The following ZNF503 variants were observed in gnomAD, a reference collection of about 807,000 sequenced individuals.
The protein encoded by ZNF503 is zinc finger protein 503.
In ZNF503, 15 loss-of-function variants were observed where a neutral mutation model predicts 34.4. The observed-to-expected ratio is 0.44, with a 90% confidence interval of 0.29 to 0.67. The LOEUF (loss-of-function observed/expected upper bound fraction) is 0.67. Among genes scored for constraint, ZNF503 ranks in the 30% least tolerant of loss-of-function variants. The pLI is 0.13. For synonymous variants in ZNF503, 580 were observed against 456.8 expected (o/e 1.27, Z -3.44); for missense variants, 1,007 against 926.8 (o/e 1.09, Z -1.12).
the ZNF503 span, among the ~76,000 whole-genome samples, chr10:75,357,306 C>T: frequency 1.3e-5 from 2 of 151,238 alleles, no homozygotes; most frequent in African/African-American, 4.9e-5. Context: ...CTGCTTGAGC[C>T]TAGGAGTTCA....
the ZNF503 span, among the ~76,000 whole-genome samples, chr10:75,313,116 G>A: frequency 5.8e-4 from 88 of 152,286 alleles, no homozygotes; most frequent in African/African-American, 2.0e-3. Flanking sequence ...CCTCGGGTAT[G>A]TCTTTATTCG....
chr10:75,346,281 T>C, the ZNF503 span, among the ~76,000 whole-genome samples: 8 of 152,316 alleles, frequency 5.3e-5, no homozygotes, highest in Middle Eastern at 3.4e-3. Context: ...CTGTGCAGTC[T>C]CACAGGGCCC....
At position 75,399,457 on chromosome 10, in the gene ZNF503, G is replaced by A. The variant is rs17850767; in HGVS notation, c.1233C>T (p.Ser411=). ...ACGGCGGAGACGCTCCGGCCAAAGG[G>A]CTGGAGCCGGCCGGCTTACTGCAGC... is the stretch of plus-strand genomic sequence containing the variant. ...SLGCSKPAGS[S]PLAGASPPSV... The change falls in exon 2 of 2, where the codon AGC becomes AGT. Residue 411 remains serine (S), a synonymous_variant. Coordinates refer to ENST00000372524, the MANE Select transcript of ZNF503 (RefSeq NM_032772.6). 555 of 1,587,192 alleles carry A rather than the reference G, an allele frequency of 3.5e-4. 5 individuals are homozygous for A. In the South Asian group the frequency reaches 3.9e-3, roughly 11 times the overall value.
the ZNF503 span, among the ~76,000 whole-genome samples, chr10:75,285,468 C>A: frequency 4.6e-5 from 7 of 152,234 alleles, no homozygotes. Flanking sequence ...CCCACTCAGC[C>A]TCCATGGATT....
chr10:75,327,915 C>CA, the ZNF503 span, among the ~76,000 whole-genome samples: 2 of 151,840 alleles, frequency 1.3e-5, no homozygotes, highest in African/African-American at 4.8e-5. Flanking sequence ...GATGTCTATT[C>CA]AGCTCATTTG....
chr10:75,401,280 G>T lies in ZNF503; in HGVS notation c.140C>A (p.Ser47Ter), dbSNP rs976564186. The T allele has an allele frequency of 1.3e-6, 2 of 1,584,104 alleles. No homozygotes were observed. The highest frequency in any genetic ancestry group is 1.7e-6 in the Non-Finnish European group (2 of 1,166,984). ...SGNSSGPGPGSSPAGSTKPFV... is the reference protein window; with the variant it reads ...SGNSSGPGPG ...AGGCTTGGTGCTGCCGGCCGGGGACGAGCCTGGGCCGGGGCCGGAGCTATT... is the reference window on the plus strand; with the variant it reads ...AGGCTTGGTGCTGCCGGCCGGGGACTAGCCTGGGCCGGGGCCGGAGCTATT... Residue 47 changes from serine (S) to a stop codon, truncating the protein, a stop_gained, in exon 1 of 2, where the codon TCG becomes TAG. Coordinates refer to ENST00000372524, the MANE Select transcript of ZNF503 (RefSeq NM_032772.6). LOFTEE classifies it high-confidence loss of function.
the ZNF503 span, among the ~76,000 whole-genome samples, chr10:75,319,038 C>T: frequency 1.3e-5 from 2 of 152,078 alleles, no homozygotes; most frequent in African/African-American, 4.8e-5. Context: ...CGGCTTACTG[C>T]AGCCTCGACC....
At chr10:75,388,495 G>C in the ZNF503 span, among the ~76,000 whole-genome samples, 350 of 152,314 alleles carry the variant, frequency 2.3e-3, 2 homozygotes, top group African/African-American at 7.9e-3. Context: ...TCAGTGTACG[G>C]AGAAATAAAG....
the ZNF503 span, among the ~76,000 whole-genome samples, chr10:75,329,414 CT>C: frequency 0.28 from 18,914 of 66,502 alleles, 1,419 homozygotes; most frequent in Non-Finnish European, 0.36. Context: ...TCCTTCCTTC[CT>C]TTCCTTCCTT....
chr10:75,324,628 A>G, the ZNF503 span, among the ~76,000 whole-genome samples: 1 of 152,224 alleles, frequency 6.6e-6, no homozygotes, highest in South Asian at 2.1e-4. Flanking sequence ...CATCCAGCCT[A>G]TGATCCATCT....
At chr10:75,393,517 T>C (rs990818712), downstream of ZNF503, among the ~76,000 whole-genome samples, 3 of 152,192 alleles carry the variant, frequency 2.0e-5, no homozygotes, top group African/African-American at 7.2e-5. Flanking sequence ...GATGGGTTTA[T>C]GGGGGTTCAT....
At chr10:75,390,226 G>C in the ZNF503 span, among the ~76,000 whole-genome samples, 1 of 152,074 alleles carries the variant, frequency 6.6e-6, no homozygotes. Context: ...GAGGCAGGTA[G>C]GTTTAATATG....
the ZNF503 span, among the ~76,000 whole-genome samples, chr10:75,380,883 A>G: frequency 6.6e-6 from 1 of 152,140 alleles, no homozygotes; most frequent in Non-Finnish European, 1.5e-5. Context: ...ACCCACTAAA[A>G]AGAACCCATC....
At chr10:75,381,802 A>ATTATTTTTTTTT in the ZNF503 span, among the ~76,000 whole-genome samples, 1 of 41,374 alleles carries the variant, frequency 2.4e-5, no homozygotes, top group Non-Finnish European at 5.4e-5. Context: ...ACAGAACCTA[A>ATTATTTTTTTTT]TTCTTTTTTT....
At chr10:75,381,863 T>C in the ZNF503 span, among the ~76,000 whole-genome samples, 1 of 134,220 alleles carries the variant, frequency 7.5e-6, no homozygotes, top group South Asian at 2.7e-4. Flanking sequence ...TGGCTCAGGC[T>C]GGGCACAATC....
chr10:75,307,190 G>A, the ZNF503 span, among the ~76,000 whole-genome samples: 3 of 152,168 alleles, frequency 2.0e-5, no homozygotes, highest in Non-Finnish European at 2.9e-5. Flanking sequence ...AGTTAGCCAC[G>A]CTGTAAATAC....
rs1444654461 is a variant in ZNF503, at chr10:75,400,909, C to G, written c.315+196G>C. The G allele has an allele frequency of 3.8e-6, 3 of 799,044 alleles. No individual in the cohort carries two copies. In the East Asian group the frequency reaches 8.0e-5, roughly 21 times the overall value. The allele number at this position is 799,044 out of a possible 1,614,324, so 49.5% of individuals were successfully genotyped here. A position where few individuals can be genotyped will look rare whatever the true frequency, so the allele number is the denominator to read the frequency against. On this transcript the variant is annotated intron_variant, in intron 1 of 1. Transcript: ENST00000372524. ...AAACAAGTATTGGCAGCCTTGCTCCCTAGCATGCACGCCCCATTCCACTTC... is the reference window on the plus strand; with the variant it reads ...AAACAAGTATTGGCAGCCTTGCTCCGTAGCATGCACGCCCCATTCCACTTC...
the ZNF503 span, among the ~76,000 whole-genome samples, chr10:75,369,363 A>G: frequency 6.6e-6 from 1 of 152,134 alleles, no homozygotes; most frequent in Admixed American, 6.5e-5. Context: ...CAAGGTGGAG[A>G]TAATTGAATC....
chr10:75,284,230 T>C, the ZNF503 span, among the ~76,000 whole-genome samples: 6 of 152,208 alleles, frequency 3.9e-5, no homozygotes, highest in Admixed American at 3.9e-4. Context: ...ACCCCAGCCC[T>C]AGGATCTCTG....
Sources: gnomAD v4.1 joint callset for allele counts (sites outside exome capture counted in the v4.1 genomes callset) on GRCh38, gnomAD v4.1.1 for gene constraint, MANE v1.5 for transcripts, NCBI Gene and HGNC (gene_info 2026-07-23, HGNC 2026-07-21) for gene names.